Variants in GMDS observed in about 807,000 individuals in gnomAD.
The protein encoded by GMDS is GDP-mannose 4,6 dehydratase.
Under a neutral mutation model 49.9 loss-of-function variants are expected in GMDS, and 20 were observed. That is an observed-to-expected ratio of 0.40 (90% CI 0.28 to 0.58). The LOEUF (loss-of-function observed/expected upper bound fraction) is 0.58, where lower values mean the gene tolerates loss of function less well. Ranked by LOEUF, GMDS falls within the 20% of genes least tolerant of loss-of-function variation. The pLI, the probability that GMDS is intolerant of heterozygous loss-of-function variation, is 0.42. For synonymous variants in GMDS, 177 were observed against 178.6 expected (o/e 0.99, Z 0.07); for missense variants, 362 against 481.4 (o/e 0.75, Z 2.32).
At chr6:1,906,133 G>C (rs1581337542) in intron 7 of GMDS, among the ~76,000 whole-genome samples, 1 of 152,230 alleles carries the variant, frequency 6.6e-6, no homozygotes. Flanking sequence ...TAGTCTTAAA[G>C]GTTGAGCAGC....
At chr6:2,049,922 A>G (rs1770276924) in intron 4 of GMDS, among the ~76,000 whole-genome samples, 1 of 152,236 alleles carries the variant, frequency 6.6e-6, no homozygotes, top group Admixed American at 6.5e-5. Context: ...CACAAGAGAA[A>G]GCAGAAAACA....
At chr6:2,116,304 A>G (rs1022404376) in intron 3 of GMDS, among the ~76,000 whole-genome samples, 1 of 152,120 alleles carries the variant, frequency 6.6e-6, no homozygotes, top group Non-Finnish European at 1.5e-5. Context: ...AGATACTTTT[A>G]TCTAGTAATT....
chr6:2,097,272 T>G (rs1773658758), intron 4 of GMDS, among the ~76,000 whole-genome samples: 4 of 152,148 alleles, frequency 2.6e-5, no homozygotes, highest in African/African-American at 9.7e-5. Context: ...GAATAATGCC[T>G]TGTCTGTTGT....
At chr6:1,946,688 G>A (rs1763087970) in intron 6 of GMDS, among the ~76,000 whole-genome samples, 2 of 152,084 alleles carry the variant, frequency 1.3e-5, no homozygotes, top group African/African-American at 4.8e-5. Flanking sequence ...AAGCAGGTAC[G>A]GAAGGCTTTC....
chr6:1,908,959 T>C (rs1029749585), intron 7 of GMDS, among the ~76,000 whole-genome samples: 5 of 152,266 alleles, frequency 3.3e-5, no homozygotes, highest in South Asian at 4.1e-4. Flanking sequence ...AGCATGCCTA[T>C]AACCAACCAG....
chr6:2,222,840 G>T (rs1208561320), intron 1 of GMDS, among the ~76,000 whole-genome samples: 1 of 152,138 alleles, frequency 6.6e-6, no homozygotes, highest in African/African-American at 2.4e-5. Context: ...TCAAACACCT[G>T]CCTAGATGTT....
intron 9 of GMDS, among the ~76,000 whole-genome samples, chr6:1,667,656 T>A (rs1581433498): frequency 6.6e-6 from 1 of 151,932 alleles, no homozygotes; most frequent in Non-Finnish European, 1.5e-5. Context: ...GTCTGAAGAC[T>A]AACTGGTCTA....
chr6:2,024,114 C>T (rs1272091398), intron 4 of GMDS, among the ~76,000 whole-genome samples: 1 of 151,970 alleles, frequency 6.6e-6, no homozygotes, highest in African/African-American at 2.4e-5. Context: ...AACAATTACA[C>T]CAATAGCAAA....
At position 1,624,240 on chromosome 6, in the gene GMDS, C is replaced by T; in HGVS notation, c.1057-9G>A. On this transcript the variant is annotated splice_polypyrimidine_tract_variant and intron_variant, in intron 10 of 10. Coordinates refer to ENST00000380815, the MANE Select transcript of GMDS (RefSeq NM_001500.4). The stretch of plus-strand genomic sequence containing the variant: ...ATCTCCCTCACCAGCTCCTGCAACA[C>T]AGGGGTGGGCGTGAGGGAGGAGCTT... 6.2e-7 allele frequency: 1 copy of T among 1,610,862 alleles called. No homozygotes were observed. Among genetic ancestry groups the T allele is most frequent in the African/African-American group, 1.3e-5 (1 of 75,048 alleles).
At chr6:1,754,627 C>T (rs937500405) in intron 7 of GMDS, among the ~76,000 whole-genome samples, 7 of 152,200 alleles carry the variant, frequency 4.6e-5, no homozygotes, top group Non-Finnish European at 1.0e-4. Flanking sequence ...TGAAAATCCT[C>T]AATAACATCC....
At chr6:1,726,550 C>A (rs374759002) in intron 8 of GMDS, 38 bp from the exon 9 acceptor site, 1 of 1,473,456 alleles carries the variant, frequency 6.8e-7, no homozygotes, top group Non-Finnish European at 9.5e-7. Flanking sequence ...CTCCTAATTG[C>A]TTGGGAACAT....
intron 7 of GMDS, among the ~76,000 whole-genome samples, chr6:1,907,131 G>A (rs568710823): frequency 7.9e-5 from 12 of 152,208 alleles, no homozygotes; most frequent in Non-Finnish European, 1.0e-4. Flanking sequence ...TTGCTGTTTC[G>A]CATGTGTAAT....
intron 7 of GMDS, among the ~76,000 whole-genome samples, chr6:1,759,080 G>A (rs1347553790): frequency 6.6e-6 from 1 of 152,024 alleles, no homozygotes; most frequent in Non-Finnish European, 1.5e-5. Flanking sequence ...GCGCCACCAC[G>A]CCCGGCTAAT....
chr6:2,162,964 T>C (rs1777480698), intron 1 of GMDS, among the ~76,000 whole-genome samples: 1 of 152,102 alleles, frequency 6.6e-6, no homozygotes, highest in Admixed American at 6.6e-5. Context: ...TGGGACTACA[T>C]CAAAAAATAA....
chr6:1,840,920 G>T (rs886678396), intron 7 of GMDS, among the ~76,000 whole-genome samples: 1 of 152,164 alleles, frequency 6.6e-6, no homozygotes, highest in African/African-American at 2.4e-5. Context: ...TTGTGAGGGC[G>T]ACTGTTGCAC....
At chr6:1,868,750 G>A (rs1758568579) in intron 7 of GMDS, among the ~76,000 whole-genome samples, 1 of 152,174 alleles carries the variant, frequency 6.6e-6, no homozygotes, top group Non-Finnish European at 1.5e-5. Flanking sequence ...ACTCCAGAAT[G>A]TGCTGAATAT....
intron 8 of GMDS, among the ~76,000 whole-genome samples, chr6:1,733,439 A>G (rs1766892041): frequency 6.6e-6 from 1 of 152,176 alleles, no homozygotes; most frequent in Non-Finnish European, 1.5e-5. Flanking sequence ...CTTTTGGCAG[A>G]ACAGGGGGAG....
intron 9 of GMDS, among the ~76,000 whole-genome samples, chr6:1,652,626 T>A (rs1035758966): frequency 0.13 from 400 of 3,012 alleles, 96 homozygotes; most frequent in Middle Eastern, 0.2. Context: ...TATATATTAT[T>A]TATATATAAT....
chr6:2,066,574 C>A (rs979822461), intron 4 of GMDS, among the ~76,000 whole-genome samples: 2 of 151,832 alleles, frequency 1.3e-5, no homozygotes, highest in East Asian at 3.9e-4. Flanking sequence ...TGAAGATCTA[C>A]CAAGCAAATG....
Sources: allele counts gnomAD v4.1 joint callset (sites outside exome capture counted in the v4.1 genomes callset), GRCh38; gene constraint gnomAD v4.1.1; transcripts MANE v1.5; gene names NCBI Gene and HGNC (gene_info 2026-07-23, HGNC 2026-07-21).